ZFAT: variants seen among roughly 807,000 people sequenced by gnomAD.
The protein encoded by ZFAT is zinc finger and AT-hook domain containing.
ZFAT carries 64 observed loss-of-function variants against 117.7 expected under a neutral mutation model. That is an observed-to-expected ratio of 0.54 (90% CI 0.44 to 0.67). The LOEUF (loss-of-function observed/expected upper bound fraction) is 0.67. Among genes scored for constraint, ZFAT ranks in the 30% least tolerant of loss-of-function variants. The probability of loss-of-function intolerance (pLI) is 0.00; values close to 1 mark genes in which losing one functional copy is unlikely to be tolerated. For synonymous variants in ZFAT, 679 were observed against 615.0 expected (o/e 1.10, Z -1.54); for missense variants, 1,433 against 1,584.5 (o/e 0.90, Z 1.62).
chr8:134,733,327 C>T, the ZFAT span, among the ~76,000 whole-genome samples: 2 of 152,166 alleles, frequency 1.3e-5, no homozygotes, highest in East Asian at 1.9e-4. Flanking sequence ...GCCAATATCA[C>T]GCTTTAGGTG....
chr8:134,698,281 G>A (rs1261693265), intron 1 of ZFAT, among the ~76,000 whole-genome samples: 2 of 146,574 alleles, frequency 1.4e-5, no homozygotes, highest in East Asian at 2.0e-4. Context: ...CTGAGATCAC[G>A]CCACTTCACT....
intron 15 of ZFAT, among the ~76,000 whole-genome samples, chr8:134,483,412 G>A (rs1379694144): frequency 3.9e-5 from 6 of 152,146 alleles, no homozygotes; most frequent in African/African-American, 1.4e-4. Flanking sequence ...CCACTATCAG[G>A]ATCCCATGTT....
At chr8:134,490,212 G>A (rs1817951971) in intron 15 of ZFAT, among the ~76,000 whole-genome samples, 1 of 152,220 alleles carries the variant, frequency 6.6e-6, no homozygotes, top group African/African-American at 2.4e-5. Flanking sequence ...TCTGAGAGTA[G>A]AACATGTTAA....
chr8:134,712,754 G>T, intron 1 of ZFAT, 91 bp downstream of exon 1: 1 of 1,351,854 alleles, frequency 7.4e-7, no homozygotes, highest in African/African-American at 1.5e-5. Flanking sequence ...CCGGCGCACT[G>T]CTTCCCGACT....
rs760699344 is a variant in ZFAT at position 134,602,537 on chromosome 8, C to T, written c.1182G>A (p.Met394Ile). The T allele has an allele frequency of 6.2e-7, 1 of 1,614,046 alleles. No individual in the cohort carries two copies. The highest frequency in any genetic ancestry group is 1.7e-5 in the Admixed American group (1 of 60,036). ...VKEALDELCL[M>I]TREGKRQLLY... ...GCAGCTGCCGCTTGCCCTCCCTCGT[C>T]ATCAGGCAGAGCTCGTCCAAGGCCT... Residue 394 changes from methionine to isoleucine, a missense_variant, in exon 6 of 16, where the codon ATG (methionine) becomes ATA (isoleucine). Physicochemically the swap from Met to Ile is conservative, Grantham distance 10. Transcript: ENST00000377838.
At chr8:134,562,245 C>A (rs1824105321) in intron 11 of ZFAT, among the ~76,000 whole-genome samples, 1 of 152,096 alleles carries the variant, frequency 6.6e-6, no homozygotes, top group Non-Finnish European at 1.5e-5. Context: ...TTCCCAGAAC[C>A]TCTAGAAAAA....
chr8:134,733,672 G>A, the ZFAT span, among the ~76,000 whole-genome samples: 1 of 152,234 alleles, frequency 6.6e-6, no homozygotes, highest in African/African-American at 2.4e-5. Context: ...GCAGGTGGAG[G>A]CAGTGCTGTG....
chr8:134,727,678 T>G, the ZFAT span, among the ~76,000 whole-genome samples: 1 of 152,162 alleles, frequency 6.6e-6, no homozygotes, highest in African/African-American at 2.4e-5. Context: ...TCCATCTATG[T>G]TAGGGGCGGG....
intron 1 of ZFAT, among the ~76,000 whole-genome samples, chr8:134,689,153 C>G (rs1016655305): frequency 6.6e-6 from 1 of 152,212 alleles, no homozygotes; most frequent in South Asian, 2.1e-4. Context: ...CAGAGCGTAA[C>G]AGTTTACCAC....
At chr8:134,586,977 G>A (rs11778878) in intron 9 of ZFAT, among the ~76,000 whole-genome samples, 35,767 of 152,152 alleles carry the variant, frequency 0.24, 4,788 homozygotes, top group Non-Finnish European at 0.3. Flanking sequence ...CTCCAATAAC[G>A]TGAGTCAAAC....
At chr8:134,492,485 G>A (rs950621673) in intron 15 of ZFAT, among the ~76,000 whole-genome samples, 1 of 152,160 alleles carries the variant, frequency 6.6e-6, no homozygotes, top group Non-Finnish European at 1.5e-5. Flanking sequence ...GAATCTACCT[G>A]CAGTCGATTC....
At chr8:134,511,574 G>T (rs902920125) in intron 14 of ZFAT, among the ~76,000 whole-genome samples, 1 of 152,144 alleles carries the variant, frequency 6.6e-6, no homozygotes, top group Non-Finnish European at 1.5e-5. Flanking sequence ...GGTAAAAATG[G>T]TGTCTTTCTA....
the ZFAT span, among the ~76,000 whole-genome samples, chr8:134,830,977 A>G: frequency 6.6e-6 from 1 of 152,224 alleles, no homozygotes; most frequent in South Asian, 2.1e-4. Flanking sequence ...GTTATTCACA[A>G]TCAGCACAGG....
the ZFAT span, among the ~76,000 whole-genome samples, chr8:134,732,419 G>A: frequency 0.33 from 50,912 of 152,048 alleles, 8,961 homozygotes; most frequent in South Asian, 0.44. Context: ...GAAGGGGCTT[G>A]TCACAAGGGG....
chr8:134,790,842 C>A, the ZFAT span, among the ~76,000 whole-genome samples: 2 of 151,490 alleles, frequency 1.3e-5, no homozygotes, highest in Non-Finnish European at 2.9e-5. Context: ...CAGTGAGACT[C>A]CATCTCTACA....
chr8:134,653,270 T>TTAAA lies in ZFAT; in HGVS notation c.196+4290_196+4291insTTTA, dbSNP rs1554615159. On this transcript the variant is annotated intron_variant, in intron 2 of 15. Coordinates refer to ENST00000377838, the MANE Select transcript of ZFAT (RefSeq NM_020863.4). ...TTGGAACCAACCCAAATGTCTTTTT[T>TTAAA]AAAAAAAAAAAAAAAAAAAAACAAA... 9.1e-4 allele frequency among the ~76,000 whole-genome samples: 84 copies of TTAAA among 91,880 alleles called. 8 individuals are homozygous for TTAAA. The highest frequency in any genetic ancestry group is 6.9e-3 in the Middle Eastern group (1 of 144). The allele number at this position is 91,880 out of a possible 152,430, so 60.3% of individuals were successfully genotyped here.
chr8:134,778,917 T>C, the ZFAT span, among the ~76,000 whole-genome samples: 1 of 152,168 alleles, frequency 6.6e-6, no homozygotes, highest in Non-Finnish European at 1.5e-5. Context: ...ACAACGAAGG[T>C]GGGCTTAACT....
chr8:134,608,487 A>T (rs1828056430), intron 5 of ZFAT, among the ~76,000 whole-genome samples: 1 of 152,244 alleles, frequency 6.6e-6, no homozygotes, highest in African/African-American at 2.4e-5. Flanking sequence ...CTCTGGCTTC[A>T]TTAAGCCAGT....
At chr8:134,706,194 C>A (rs1420012518) in intron 1 of ZFAT, among the ~76,000 whole-genome samples, 1 of 152,168 alleles carries the variant, frequency 6.6e-6, no homozygotes, top group Non-Finnish European at 1.5e-5. Context: ...AAATAAATAT[C>A]CACAAAAAGG....
Sources: gnomAD v4.1 joint callset for allele counts (sites outside exome capture counted in the v4.1 genomes callset) on GRCh38, gnomAD v4.1.1 for gene constraint, MANE v1.5 for transcripts, NCBI Gene and HGNC (gene_info 2026-07-23, HGNC 2026-07-21) for gene names.